The following VWA3B variants were observed in gnomAD, a reference collection of about 807,000 sequenced individuals.
VWA3B encodes the protein von Willebrand factor A domain containing 3B.
A neutral mutation model predicts 158.3 loss-of-function variants in VWA3B; 138 were observed. The ratio of observed to expected loss-of-function variants is 0.87; its 90% confidence interval spans 0.76 to 1.00. VWA3B has a LOEUF of 1.00. Ranked by LOEUF, VWA3B falls within the 50% of genes least tolerant of loss-of-function variation. The pLI is 0.00. For synonymous variants in VWA3B, 596 were observed against 587.3 expected (o/e 1.01, Z -0.21); for missense variants, 1,555 against 1,565.1 (o/e 0.99, Z 0.11).
At position 98,125,576 on chromosome 2, in the gene VWA3B, G is replaced by A. The variant is rs1161693999; in HGVS notation, c.703-2663G>A. On this transcript the variant is annotated intron_variant, in intron 5 of 27. Transcript: ENST00000477737. This position sits in a 1 kb window ranked among gnomAD's most constrained non-coding sequence, Gnocchi z 4.1. Reference sequence around the variant, plus strand: ...AGTTTATCATCCCAAATAGCCAACAGTATTAAAGCCATTTTGCTTTAAGAG... The same window carrying A: ...AGTTTATCATCCCAAATAGCCAACAATATTAAAGCCATTTTGCTTTAAGAG... Among the ~76,000 whole-genome samples, 1 of 152,252 alleles carries A rather than the reference G, an allele frequency of 6.6e-6. No homozygotes were observed. Among genetic ancestry groups the A allele is most frequent in the Non-Finnish European group, 1.5e-5 (1 of 68,038 alleles).
At chr2:98,103,170 G>T (rs527519016) in intron 2 of VWA3B, among the ~76,000 whole-genome samples, 2 of 152,000 alleles carry the variant, frequency 1.3e-5, no homozygotes, top group East Asian at 1.9e-4. Context: ...TTGATAATTT[G>T]TGTTTCCTCT....
rs79826248 is a variant in VWA3B at position 98,252,703 on chromosome 2, C to T, written c.2792+2267C>T. Among the ~76,000 whole-genome samples, 221 of 152,272 alleles carry T rather than the reference C, an allele frequency of 1.5e-3. 1 individual carries two copies. The highest frequency in any genetic ancestry group is 4.8e-3 in the African/African-American group (200 of 41,520). Reference sequence around the variant, plus strand: ...TAACCATAGGTGCATGGAGTGAAATCGTCATCTGGTTCTTCCCACTGCATT... The same window carrying T: ...TAACCATAGGTGCATGGAGTGAAATTGTCATCTGGTTCTTCCCACTGCATT... On this transcript the variant is annotated intron_variant, in intron 20 of 27. Transcript: ENST00000477737.
intron 1 of VWA3B, among the ~76,000 whole-genome samples, chr2:98,092,472 A>G (rs1035122477): frequency 2.6e-5 from 4 of 152,014 alleles, no homozygotes; most frequent in Non-Finnish European, 5.9e-5. Flanking sequence ...GTGAAACCCC[A>G]TTTCCACTAA....
intron 26 of VWA3B, among the ~76,000 whole-genome samples, chr2:98,309,357 T>C (rs1360078066): frequency 6.6e-6 from 1 of 152,170 alleles, no homozygotes; most frequent in African/African-American, 2.4e-5. Context: ...AGGCAAGGCA[T>C]GTTCTTCTCT....
chr2:98,204,268 G>A (rs771467138), intron 12 of VWA3B, among the ~76,000 whole-genome samples: 2 of 152,192 alleles, frequency 1.3e-5, no homozygotes, highest in Non-Finnish European at 2.9e-5. Flanking sequence ...TTGCCTTATT[G>A]CAGCGGATAG....
At chr2:98,163,274 T>C (rs1328921639) in intron 8 of VWA3B, among the ~76,000 whole-genome samples, 1 of 152,144 alleles carries the variant, frequency 6.6e-6, no homozygotes, top group Admixed American at 6.5e-5. Flanking sequence ...GCGCGGTGGC[T>C]CACACCTGTT....
chr2:98,110,063 C>A (rs1409110574), intron 2 of VWA3B, among the ~76,000 whole-genome samples: 1 of 150,814 alleles, frequency 6.6e-6, no homozygotes, highest in African/African-American at 2.4e-5. Flanking sequence ...AATTTTCAAC[C>A]CTTATGTCTT....
chr2:98,223,227 G>A (rs1684650342), intron 14 of VWA3B, among the ~76,000 whole-genome samples: 1 of 151,612 alleles, frequency 6.6e-6, no homozygotes, highest in Non-Finnish European at 1.5e-5. Context: ...ATAGTGAAGT[G>A]GAGATGACAG....
chr2:98,305,053 G>C (rs992625962), intron 26 of VWA3B, among the ~76,000 whole-genome samples: 2 of 152,124 alleles, frequency 1.3e-5, no homozygotes, highest in Admixed American at 6.5e-5. Context: ...GAACCAGTGA[G>C]CTCCGCCCTC....
At chr2:98,234,350 G>A (rs191905802) in intron 16 of VWA3B, among the ~76,000 whole-genome samples, 324 of 152,318 alleles carry the variant, frequency 2.1e-3, no homozygotes, top group African/African-American at 7.3e-3. Flanking sequence ...GAGAGAGGCC[G>A]CTGGGCTACA....
the VWA3B span, among the ~76,000 whole-genome samples, chr2:98,320,276 A>G: frequency 6.6e-6 from 1 of 152,184 alleles, no homozygotes; most frequent in Admixed American, 6.5e-5. Context: ...AGGCTTCCCC[A>G]GCTATGTGGA....
intron 21 of VWA3B, among the ~76,000 whole-genome samples, chr2:98,267,197 T>A (rs1687897123): frequency 6.6e-6 from 1 of 151,296 alleles, no homozygotes; most frequent in Non-Finnish European, 1.5e-5. Context: ...CATAGATAGC[T>A]CTTATTATTT....
At position 98,197,618 on chromosome 2, in the gene VWA3B, A is replaced by G. The variant is rs565622397; in HGVS notation, c.1737+3126A>G. Among the ~76,000 whole-genome samples, 21 of 152,236 alleles carry G rather than the reference A, an allele frequency of 1.4e-4. No individual in the cohort carries two copies. The South Asian group carries it at 4.4e-3, about 32-fold the overall frequency. On this transcript the variant is annotated intron_variant, in intron 12 of 27. Coordinates refer to ENST00000477737, the MANE Select transcript of VWA3B (RefSeq NM_144992.5). Reference sequence around the variant, plus strand: ...CCCCCTTTTACTTATTCATTTATATATTTATTTCAATGTGGACTCATGGAA... The same window carrying G: ...CCCCCTTTTACTTATTCATTTATATGTTTATTTCAATGTGGACTCATGGAA...
the VWA3B span, among the ~76,000 whole-genome samples, chr2:98,330,185 G>C: frequency 6.6e-6 from 1 of 152,180 alleles, no homozygotes; most frequent in South Asian, 2.1e-4. Context: ...ATGCTAGACA[G>C]CCAACATCAG....
At chr2:98,225,575 A>G (rs1684856109) in intron 14 of VWA3B, among the ~76,000 whole-genome samples, 2 of 152,274 alleles carry the variant, frequency 1.3e-5, no homozygotes, top group South Asian at 4.1e-4. Context: ...GATTCAACAT[A>G]CTACTGGAAG....
intron 8 of VWA3B, among the ~76,000 whole-genome samples, chr2:98,178,276 G>T (rs1680183348): frequency 6.6e-6 from 1 of 152,174 alleles, no homozygotes; most frequent in Non-Finnish European, 1.5e-5. Context: ...ATGCTGCTCT[G>T]AGGGGCTTTT....
At chr2:98,239,155 C>T (rs981820145) in intron 19 of VWA3B, among the ~76,000 whole-genome samples, 8 of 151,954 alleles carry the variant, frequency 5.3e-5, no homozygotes, top group Admixed American at 3.3e-4. Context: ...TTTACCCCAG[C>T]GAATTCATAT....
intron 26 of VWA3B, among the ~76,000 whole-genome samples, chr2:98,309,975 T>C (rs555999944): frequency 6.6e-6 from 1 of 152,244 alleles, no homozygotes. Flanking sequence ...TCAGGAAGCA[T>C]GTGGTGGTGC....
At position 98,188,046 on chromosome 2, in the gene VWA3B, C is replaced by G; in HGVS notation, c.1383C>G (p.Ser461Arg). The G allele has an allele frequency of 6.2e-7, 1 of 1,614,022 alleles. No individual in the cohort carries two copies. The highest frequency in any genetic ancestry group is 8.5e-7 in the Non-Finnish European group (1 of 1,179,990). ...RFVHAPWKDGSLVHVNITKEK... is the reference protein window; with the variant it reads ...RFVHAPWKDGRLVHVNITKEK... ...TCCATGCTCCCTGGAAGGATGGGAGCTTGGTCCACGTCAACATTACCAAAG... is the reference window on the plus strand; with the variant it reads ...TCCATGCTCCCTGGAAGGATGGGAGGTTGGTCCACGTCAACATTACCAAAG... Residue 461 changes from serine to arginine, a missense_variant, in exon 10 of 28, where the codon AGC becomes AGG. By Grantham distance (110) the Ser-to-Arg change is moderately radical. Coordinates refer to ENST00000477737, the MANE Select transcript of VWA3B (RefSeq NM_144992.5).
Sources: gnomAD v4.1 joint callset for allele counts (sites outside exome capture counted in the v4.1 genomes callset) on GRCh38, gnomAD v4.1.1 for gene constraint, Gnocchi (gnomAD v3.1) non-coding constraint, MANE v1.5 for transcripts, NCBI Gene and HGNC (gene_info 2026-07-23, HGNC 2026-07-21) for gene names.